Variants in AMOTL1 observed in about 807,000 individuals in gnomAD.
The protein encoded by AMOTL1 is angiomotin like 1.
Under a neutral mutation model 102.9 loss-of-function variants are expected in AMOTL1, and 45 were observed. The ratio of observed to expected loss-of-function variants is 0.44; its 90% confidence interval spans 0.34 to 0.56. The LOEUF (loss-of-function observed/expected upper bound fraction) is 0.56. Among genes scored for constraint, AMOTL1 ranks in the 20% least tolerant of loss-of-function variants. The pLI is 0.01. For missense variants in AMOTL1, 1,114 were observed against 1,225.6 expected (o/e 0.91, Z 1.36); for synonymous variants, 481 against 484.7 (o/e 0.99, Z 0.10).
chr11:94,840,675 T>TAC (rs1361728387), intron 6 of AMOTL1, among the ~76,000 whole-genome samples: 1 of 128,200 alleles, frequency 7.8e-6, no homozygotes, highest in Admixed American at 9.0e-5. Flanking sequence ...TATATATATA[T>TAC]ATATATACAC....
At chr11:94,737,737 A>T (rs2135470809) in intron 2 of AMOTL1, among the ~76,000 whole-genome samples, 1 of 152,324 alleles carries the variant, frequency 6.6e-6, no homozygotes, top group Admixed American at 6.5e-5. Context: ...CACTCATAAG[A>T]TCAGCAGGTC....
rs148286066 is a variant in AMOTL1 at position 94,799,243 on chromosome 11, T to G, written c.200-147T>G. ...TTGGAGAAGAAAATTCCATGAGACA[T>G]TGCCAGGTAAATGGAGGTGATGATG... On this transcript the variant is annotated intron_variant, in intron 2 of 12. Transcript: ENST00000433060. This position sits in a 1 kb window ranked among gnomAD's most constrained non-coding sequence, Gnocchi z 4.5. 6.8e-4 allele frequency: 475 copies of G among 702,268 alleles called. 3 individuals are homozygous for G. In the African/African-American group the frequency reaches 7.9e-3, roughly 12 times the overall value. The allele number at this position is 702,268 out of a possible 1,614,324, so 43.5% of individuals were successfully genotyped here. A position where few individuals can be genotyped will look rare whatever the true frequency, so the allele number is the denominator to read the frequency against.
chr11:94,724,113 G>A (rs777544909), intron 1 of AMOTL1, among the ~76,000 whole-genome samples: 19 of 152,112 alleles, frequency 1.2e-4, no homozygotes, highest in Non-Finnish European at 2.5e-4. Context: ...CCCATTGTGT[G>A]ACCTCTTCCC....
intron 6 of AMOTL1, among the ~76,000 whole-genome samples, chr11:94,849,688 C>G (rs572936022): frequency 6.6e-6 from 1 of 151,962 alleles, no homozygotes; most frequent in Non-Finnish European, 1.5e-5. Flanking sequence ...CCTCTCTGGA[C>G]CTTGGTTTAT....
chr11:94,845,464 TTGG>T (rs527544111), intron 6 of AMOTL1, among the ~76,000 whole-genome samples: 1 of 152,356 alleles, frequency 6.6e-6, no homozygotes, highest in South Asian at 2.1e-4. Flanking sequence ...TGTAAAGCTC[TTGG>T]AACAGTAGCT....
intron 1 of AMOTL1, among the ~76,000 whole-genome samples, chr11:94,719,151 A>C (rs912879664): frequency 2.6e-5 from 4 of 152,066 alleles, no homozygotes; most frequent in Non-Finnish European, 5.9e-5. Flanking sequence ...TTGAAATGCC[A>C]ATTTTTTTCA....
At chr11:94,735,792 T>A (rs966022762) in intron 2 of AMOTL1, among the ~76,000 whole-genome samples, 1 of 152,230 alleles carries the variant, frequency 6.6e-6, no homozygotes, top group African/African-American at 2.4e-5. Flanking sequence ...AGGAGACTTT[T>A]ATTTTTCAGT....
chr11:94,768,505 T>G lies in AMOTL1; in HGVS notation c.-7T>G, dbSNP rs1216317998. On this transcript the variant is annotated 5_prime_UTR_variant, in exon 1 of 13. Coordinates refer to ENST00000433060, the MANE Select transcript of AMOTL1 (RefSeq NM_130847.3). Reference sequence around the variant, plus strand: ...AGCCGAGGGACTGAACTAGCCATGATCGCCTCATGTGGAGGGCAAAGTTGC... The same window carrying G: ...AGCCGAGGGACTGAACTAGCCATGAGCGCCTCATGTGGAGGGCAAAGTTGC... 3.8e-6 allele frequency: 6 copies of G among 1,598,742 alleles called. No individual in the cohort carries two copies. The highest frequency in any genetic ancestry group is 1.7e-5 in the Admixed American group (1 of 58,350).
intron 3 of AMOTL1, among the ~76,000 whole-genome samples, chr11:94,749,206 G>C (rs1462433514): frequency 6.6e-6 from 1 of 152,200 alleles, no homozygotes; most frequent in Non-Finnish European, 1.5e-5. Flanking sequence ...CTCAGCCCAA[G>C]GCCAAAGGCC....
intron 2 of AMOTL1, chr11:94,797,166 A>G (rs1951384264): frequency 3.1e-6 from 1 of 323,580 alleles, no homozygotes; most frequent in Non-Finnish European, 4.4e-6. Flanking sequence ...CCATCATTAC[A>G]TGAATCTGTA....
At chr11:94,868,187 G>C (rs954951110) in intron 11 of AMOTL1, among the ~76,000 whole-genome samples, 2 of 152,178 alleles carry the variant, frequency 1.3e-5, no homozygotes, top group East Asian at 1.9e-4. Context: ...CACTGCTCTC[G>C]ACAAACTGAA....
intron 3 of AMOTL1, among the ~76,000 whole-genome samples, chr11:94,755,706 C>T (rs1002139230): frequency 2.0e-5 from 3 of 151,964 alleles, no homozygotes; most frequent in Non-Finnish European, 4.4e-5. Context: ...TCCTAGAGGC[C>T]GCATGCAGAC....
chr11:94,733,274 C>A (rs538968957), intron 2 of AMOTL1, among the ~76,000 whole-genome samples: 2 of 152,216 alleles, frequency 1.3e-5, no homozygotes, highest in South Asian at 2.1e-4. Flanking sequence ...ATTTTTCTTG[C>A]GTACTCTGTA....
chr11:94,856,331 G>A (rs1952663161), intron 8 of AMOTL1, among the ~76,000 whole-genome samples: 1 of 151,960 alleles, frequency 6.6e-6, no homozygotes, highest in African/African-American at 2.4e-5. Context: ...ACCAAAAAAA[G>A]GTTAAAATGT....
intron 4 of AMOTL1, among the ~76,000 whole-genome samples, chr11:94,826,258 A>C (rs1036821637): frequency 6.6e-6 from 1 of 152,228 alleles, no homozygotes; most frequent in Non-Finnish European, 1.5e-5. Context: ...GTGTCACTGC[A>C]CTCCAGCCTA....
At chr11:94,731,017 G>T (rs113092425) in intron 2 of AMOTL1, among the ~76,000 whole-genome samples, 1 of 152,254 alleles carries the variant, frequency 6.6e-6, no homozygotes, top group African/African-American at 2.4e-5. Context: ...ACTCCATACT[G>T]TGACCATCTC....
At chr11:94,716,803 G>A (rs1390296283) in intron 1 of AMOTL1, among the ~76,000 whole-genome samples, 1 of 152,072 alleles carries the variant, frequency 6.6e-6, no homozygotes, top group South Asian at 2.1e-4. Context: ...TATTGGATGG[G>A]GTTTGCTGAT....
intron 3 of AMOTL1, chr11:94,741,112 G>T: frequency 1.3e-6 from 1 of 779,386 alleles, no homozygotes; most frequent in Non-Finnish European, 1.9e-6. Context: ...GAGGGAAAGG[G>T]TCAGGGGACA....
chr11:94,844,158 C>G lies in AMOTL1; in HGVS notation c.1649-5956C>G, dbSNP rs1214006483. Among the ~76,000 whole-genome samples, 4 of 152,148 alleles carry G rather than the reference C, an allele frequency of 2.6e-5. No homozygotes were observed. In the South Asian group the frequency reaches 8.3e-4, roughly 32 times the overall value. On this transcript the variant is annotated intron_variant, in intron 6 of 12. Transcript: ENST00000433060. Reference sequence around the variant, plus strand: ...TCCTTTAACTCTGCCACCACCACCCCCTCTTCCCACATCCAAGAACCTTCC... The same window carrying G: ...TCCTTTAACTCTGCCACCACCACCCGCTCTTCCCACATCCAAGAACCTTCC...
Sources: gnomAD v4.1 joint callset for allele counts (sites outside exome capture counted in the v4.1 genomes callset) on GRCh38, gnomAD v4.1.1 for gene constraint, Gnocchi (gnomAD v3.1) non-coding constraint, MANE v1.5 for transcripts, NCBI Gene and HGNC (gene_info 2026-07-23, HGNC 2026-07-21) for gene names.